Variants in UBE2E2 observed in about 807,000 individuals in gnomAD.
UBE2E2 encodes the protein ubiquitin conjugating enzyme E2 E2, also known as ubiquitin-conjugating enzyme E2 E2.
Under a neutral mutation model 24.7 loss-of-function variants are expected in UBE2E2, and 6 were observed. The observed-to-expected ratio is 0.24, with a 90% CI of 0.13 to 0.48. The LOEUF (loss-of-function observed/expected upper bound fraction) is 0.48. UBE2E2 is among the 20% of genes least tolerant of loss of function. The pLI is 0.99. For synonymous variants in UBE2E2, 104 were observed against 83.6 expected, an observed-to-expected ratio of 1.24 and a Z score of -1.33; for missense variants, 169 against 245.0, an observed-to-expected ratio of 0.69 and a Z score of 2.07.
At chr3:23,518,499 A>T (rs1020300912) in intron 4 of UBE2E2, among the ~76,000 whole-genome samples, 1 of 152,242 alleles carries the variant, frequency 6.6e-6, no homozygotes, top group Non-Finnish European at 1.5e-5. Flanking sequence ...AGTTGTTGAA[A>T]TGAGCTGTGA....
At chr3:23,266,165 A>T (rs1259902175) in intron 3 of UBE2E2, among the ~76,000 whole-genome samples, 1 of 152,086 alleles carries the variant, frequency 6.6e-6, no homozygotes, top group Non-Finnish European at 1.5e-5. Context: ...TAATATTGTT[A>T]TGTGTGAATT....
At chr3:23,564,533 A>G (rs1696018801) in intron 5 of UBE2E2, among the ~76,000 whole-genome samples, 1 of 152,194 alleles carries the variant, frequency 6.6e-6, no homozygotes, top group South Asian at 2.1e-4. Context: ...GACTGTGCCC[A>G]CCACACAAGC....
chr3:23,227,302 C>G (rs758097695), intron 3 of UBE2E2, among the ~76,000 whole-genome samples: 1 of 152,090 alleles, frequency 6.6e-6, no homozygotes, highest in Non-Finnish European at 1.5e-5. Flanking sequence ...ACCCTTTTCC[C>G]TCTTTTATAT....
chr3:23,500,388 A>G (rs891449395), intron 4 of UBE2E2, among the ~76,000 whole-genome samples: 3 of 152,186 alleles, frequency 2.0e-5, no homozygotes, highest in African/African-American at 7.2e-5. Flanking sequence ...ACATGAAAGA[A>G]TCCTCACTTA....
At chr3:23,327,625 A>G (rs1448633262) in intron 3 of UBE2E2, among the ~76,000 whole-genome samples, 1 of 152,162 alleles carries the variant, frequency 6.6e-6, no homozygotes, top group Non-Finnish European at 1.5e-5. Flanking sequence ...TTAGACTGTC[A>G]CTTGGGATGT....
intron 3 of UBE2E2, among the ~76,000 whole-genome samples, chr3:23,418,153 A>G (rs1697690264): frequency 6.6e-6 from 1 of 152,166 alleles, no homozygotes; most frequent in Non-Finnish European, 1.5e-5. Context: ...ATGGCCGTCC[A>G]GTTTTGTACT....
At chr3:23,374,556 C>T (rs1217194336) in intron 3 of UBE2E2, among the ~76,000 whole-genome samples, 2 of 152,158 alleles carry the variant, frequency 1.3e-5, no homozygotes, top group Admixed American at 6.6e-5. Context: ...GGACATAAAG[C>T]ATGCAGAACT....
chr3:23,429,574 A>G (rs776989266), intron 3 of UBE2E2, among the ~76,000 whole-genome samples: 19 of 152,186 alleles, frequency 1.2e-4, no homozygotes, highest in Non-Finnish European at 2.4e-4. Flanking sequence ...ACAAAATTCA[A>G]CACCTATTCA....
In UBE2E2 at chr3:23,514,824, A is replaced by T. The variant is rs146806215; in HGVS notation, c.360+15084A>T. ...TTGAGGCCACAGTACTGAATTGGTG[A>T]ACTCCGAGAATGTAATAAAAGTATA... On this transcript the variant is annotated intron_variant, in intron 4 of 5. Coordinates refer to ENST00000396703, the MANE Select transcript of UBE2E2 (RefSeq NM_152653.4). 2.1e-4 allele frequency among the ~76,000 whole-genome samples: 32 copies of T among 152,280 alleles called. No individual in the cohort carries two copies. The East Asian group carries it at 5.4e-3, about 26-fold the overall frequency.
At chr3:23,488,924 G>A (rs1481988060) in intron 3 of UBE2E2, among the ~76,000 whole-genome samples, 1 of 152,166 alleles carries the variant, frequency 6.6e-6, no homozygotes, top group Non-Finnish European at 1.5e-5. Flanking sequence ...TTACATATTT[G>A]AAACATGCCC....
chr3:23,482,070 G>A (rs1400538247), intron 3 of UBE2E2, among the ~76,000 whole-genome samples: 1 of 152,178 alleles, frequency 6.6e-6, no homozygotes, highest in African/African-American at 2.4e-5. Context: ...ATGAAAGCTA[G>A]GGCATAATAG....
chr3:23,512,751 C>G (rs1337119067), intron 4 of UBE2E2, among the ~76,000 whole-genome samples: 2 of 152,078 alleles, frequency 1.3e-5, no homozygotes, highest in Admixed American at 6.6e-5. Context: ...TCAAGACCAG[C>G]CTGCCTAACA....
At chr3:23,446,699 G>GTTTT (rs57327621) in intron 3 of UBE2E2, among the ~76,000 whole-genome samples, 5,160 of 112,118 alleles carry the variant, frequency 0.046, 241 homozygotes, top group East Asian at 0.13. Flanking sequence ...CGTCTGTTTG[G>GTTTT]TTTTTTTTTT....
chr3:23,268,897 C>T (rs538681748), intron 3 of UBE2E2, among the ~76,000 whole-genome samples: 69 of 152,206 alleles, frequency 4.5e-4, no homozygotes, highest in Non-Finnish European at 9.4e-4. Flanking sequence ...GAAATAACGC[C>T]ACATATCTAC....
chr3:23,287,566 A>G (rs1283503255), intron 3 of UBE2E2, among the ~76,000 whole-genome samples: 2 of 152,008 alleles, frequency 1.3e-5, no homozygotes, highest in African/African-American at 4.8e-5. Context: ...TTTCTTTGCT[A>G]GGAGACTTTT....
intron 3 of UBE2E2, among the ~76,000 whole-genome samples, chr3:23,439,987 AG>A (rs35334059): frequency 0.14 from 20,745 of 151,236 alleles, 1,468 homozygotes; most frequent in Middle Eastern, 0.21. Flanking sequence ...AAAAAAAAAA[AG>A]AGGCTGGGCA....
intron 1 of UBE2E2, among the ~76,000 whole-genome samples, chr3:23,204,242 G>A (rs1696063892): frequency 6.6e-6 from 1 of 151,232 alleles, no homozygotes; most frequent in Admixed American, 6.6e-5. Context: ...GCTTCTTGTG[G>A]CTTTTTTCCC....
At chr3:23,269,112 C>T (rs899444524) in intron 3 of UBE2E2, among the ~76,000 whole-genome samples, 4 of 151,924 alleles carry the variant, frequency 2.6e-5, no homozygotes, top group Admixed American at 6.6e-5. Flanking sequence ...AGAAGAAAAC[C>T]TAGGCATTAC....
At chr3:23,303,689 C>A (rs527465554) in intron 3 of UBE2E2, among the ~76,000 whole-genome samples, 33 of 152,256 alleles carry the variant, frequency 2.2e-4, no homozygotes, top group Middle Eastern at 3.4e-3. Context: ...CACTTGAAAT[C>A]TGAAGAATTG....
Sources: allele counts gnomAD v4.1 joint callset (sites outside exome capture counted in the v4.1 genomes callset), GRCh38; gene constraint gnomAD v4.1.1; transcripts MANE v1.5; gene names NCBI Gene and HGNC (gene_info 2026-07-23, HGNC 2026-07-21).